PTPRD: variants seen among roughly 807,000 people sequenced by gnomAD.
PTPRD encodes receptor-type tyrosine-protein phosphatase delta.
PTPRD carries 34 observed loss-of-function variants against 214.5 expected under a neutral mutation model. That is an observed-to-expected ratio of 0.16 (90% CI 0.12 to 0.21). The LOEUF (loss-of-function observed/expected upper bound fraction) is 0.21, where lower values mean the gene tolerates loss of function less well. PTPRD is among the 10% of genes least tolerant of loss of function. PTPRD has a pLI of 1.00. For synonymous variants in PTPRD, 1,128 were observed against 845.7 expected (o/e 1.33, Z -5.79); for missense variants, 2,545 against 2,398.7 (o/e 1.06, Z -1.27).
intron 13 of PTPRD, among the ~76,000 whole-genome samples, chr9:8,634,635 C>A (rs79913821): frequency 1.3e-5 from 2 of 152,072 alleles, no homozygotes; most frequent in East Asian, 3.9e-4. Flanking sequence ...TAAAATAAAT[C>A]TACTATGCAT....
intron 8 of PTPRD, among the ~76,000 whole-genome samples, chr9:9,457,754 A>C (rs1422777309): frequency 6.7e-6 from 1 of 149,772 alleles, no homozygotes; most frequent in Non-Finnish European, 1.5e-5. Context: ...CTATATTTTT[A>C]AATGTTTTCC....
intron 8 of PTPRD, among the ~76,000 whole-genome samples, chr9:9,489,842 A>G (rs1240285079): frequency 1.3e-5 from 2 of 152,238 alleles, no homozygotes; most frequent in South Asian, 2.1e-4. Context: ...AAAATATTTA[A>G]TGAAATAGAG....
At chr9:8,770,343 T>TTA (rs1565925713) in intron 11 of PTPRD, among the ~76,000 whole-genome samples, 3 of 142,108 alleles carry the variant, frequency 2.1e-5, no homozygotes, top group Non-Finnish European at 3.1e-5. Flanking sequence ...GATAGTGTAA[T>TTA]AAAAAAAAAA....
At chr9:10,459,287 C>A (rs1448558974) in intron 2 of PTPRD, among the ~76,000 whole-genome samples, 1 of 150,246 alleles carries the variant, frequency 6.7e-6, no homozygotes, top group Non-Finnish European at 1.5e-5. Context: ...TTGTCTTTAT[C>A]CAATGTATTA....
chr9:9,601,935 A>G (rs1313986846), intron 7 of PTPRD, among the ~76,000 whole-genome samples: 1 of 152,094 alleles, frequency 6.6e-6, no homozygotes, highest in Non-Finnish European at 1.5e-5. Flanking sequence ...GGGTCACCAT[A>G]TATCTGTGAA....
At chr9:8,433,845 T>C (rs1404767028) in intron 35 of PTPRD, among the ~76,000 whole-genome samples, 1 of 152,164 alleles carries the variant, frequency 6.6e-6, no homozygotes, top group African/African-American at 2.4e-5. Context: ...GTTTATAGTG[T>C]TTATAAAGTC....
chr9:8,739,968 G>C (rs1429034062), intron 11 of PTPRD, among the ~76,000 whole-genome samples: 1 of 152,156 alleles, frequency 6.6e-6, no homozygotes, highest in African/African-American at 2.4e-5. Flanking sequence ...CAGCCATGTG[G>C]AACTGTAAGT....
intron 2 of PTPRD, among the ~76,000 whole-genome samples, chr9:10,593,366 C>A (rs150024357): frequency 1.3e-5 from 2 of 151,876 alleles, no homozygotes; most frequent in Admixed American, 6.6e-5. Flanking sequence ...TGATTACTCA[C>A]GAGGACATAA....
At position 10,555,417 on chromosome 9, in the gene PTPRD, T is replaced by C. The variant is rs557108406; in HGVS notation, c.-600+56981A>G. Among the ~76,000 whole-genome samples, 7 of 152,294 alleles carry C rather than the reference T, an allele frequency of 4.6e-5. No homozygotes were observed. In the South Asian group the frequency reaches 6.2e-4, roughly 14 times the overall value. On this transcript the variant is annotated intron_variant, in intron 2 of 45. Transcript: ENST00000381196. ...AAGGAAGATATTACCTATTACACAA[T>C]AGCAGTTAGTCTTCAGATGTGTTTC...
chr9:10,201,028 A>C (rs1314855403), intron 3 of PTPRD, among the ~76,000 whole-genome samples: 1 of 152,100 alleles, frequency 6.6e-6, no homozygotes, highest in African/African-American at 2.4e-5. Context: ...CAATTATTCT[A>C]AAGCATAATG....
At chr9:10,139,936 TA>T (rs1180482487) in intron 3 of PTPRD, among the ~76,000 whole-genome samples, 3 of 152,056 alleles carry the variant, frequency 2.0e-5, no homozygotes, top group Non-Finnish European at 4.4e-5. Flanking sequence ...TACAAAATTC[TA>T]GAAGAAAATC....
chr9:9,945,545 C>G (rs575614579), intron 4 of PTPRD, among the ~76,000 whole-genome samples: 1 of 152,112 alleles, frequency 6.6e-6, no homozygotes, highest in African/African-American at 2.4e-5. Flanking sequence ...AAGTGTTCTC[C>G]TGTGTCCAAG....
chr9:8,452,319 G>A (rs1332659093), intron 33 of PTPRD, among the ~76,000 whole-genome samples: 1 of 152,174 alleles, frequency 6.6e-6, no homozygotes, highest in African/African-American at 2.4e-5. Flanking sequence ...CTTATTATGT[G>A]ATGTGCTAGA....
intron 9 of PTPRD, among the ~76,000 whole-genome samples, chr9:9,184,459 T>C (rs563678184): frequency 2.6e-5 from 4 of 152,108 alleles, no homozygotes; most frequent in Non-Finnish European, 5.9e-5. Context: ...AAAAAGAACA[T>C]GATTCTCCAG....
At chr9:10,144,845 T>C (rs568429130) in intron 3 of PTPRD, among the ~76,000 whole-genome samples, 1 of 152,234 alleles carries the variant, frequency 6.6e-6, no homozygotes, top group Non-Finnish European at 1.5e-5. Flanking sequence ...ATGTGGTTTA[T>C]ACATTTCTGG....
intron 2 of PTPRD, among the ~76,000 whole-genome samples, chr9:10,416,696 G>A (rs931203984): frequency 6.6e-6 from 1 of 151,588 alleles, no homozygotes; most frequent in Non-Finnish European, 1.5e-5. Flanking sequence ...CACATATCAC[G>A]GTATCTAGTA....
chr9:10,443,402 G>A (rs1319670034), intron 2 of PTPRD, among the ~76,000 whole-genome samples: 1 of 151,542 alleles, frequency 6.6e-6, no homozygotes, highest in Non-Finnish European at 1.5e-5. Context: ...TCAATGTACT[G>A]TTCACCAACT....
At chr9:8,920,963 G>A (rs558819980) in intron 11 of PTPRD, among the ~76,000 whole-genome samples, 142 of 152,200 alleles carry the variant, frequency 9.3e-4, no homozygotes, top group African/African-American at 3.2e-3. Flanking sequence ...ACAGACGCAC[G>A]CCCCCACGCC....
At chr9:8,959,730 T>C (rs544612627) in intron 11 of PTPRD, among the ~76,000 whole-genome samples, 5 of 152,074 alleles carry the variant, frequency 3.3e-5, no homozygotes, top group Non-Finnish European at 7.4e-5. Flanking sequence ...CTATATTTCT[T>C]ATCAAATCCT....
Sources: allele counts gnomAD v4.1 joint callset (sites outside exome capture counted in the v4.1 genomes callset), GRCh38; gene constraint gnomAD v4.1.1; transcripts MANE v1.5; gene names NCBI Gene and HGNC (gene_info 2026-07-23, HGNC 2026-07-21).